SKP1: variants seen among roughly 807,000 people sequenced by gnomAD.
SKP1 encodes the protein S-phase kinase-associated protein 1.
In SKP1, 1 loss-of-function variant was observed where a neutral mutation model predicts 21.5. The ratio of observed to expected loss-of-function variants is 0.05; its 90% CI spans 0.02 to 0.22. The LOEUF (loss-of-function observed/expected upper bound fraction) is 0.22. Ranked by LOEUF, SKP1 falls within the 10% of genes least tolerant of loss-of-function variation. The pLI is 1.00. For synonymous variants in SKP1, 59 were observed against 59.3 expected (o/e 0.99, Z 0.03); for missense variants, 70 against 192.0 (o/e 0.36, Z 3.76).
chr5:134,151,949 C>T lies in SKP1; in HGVS notation c.*5784G>A, dbSNP rs560052320. 8.3e-4 allele frequency: 234 copies of T among 282,688 alleles called. No homozygotes were observed. The highest frequency in any genetic ancestry group is 1.3e-3 in the Non-Finnish European group (178 of 137,508). 17.5% of individuals were successfully genotyped at this position (282,688 alleles called of 1,614,324 possible). On this transcript the variant is annotated 3_prime_UTR_variant, in exon 6 of 6. Coordinates refer to ENST00000353411, the MANE Select transcript of SKP1 (RefSeq NM_170679.3). Reference sequence around the variant, plus strand: ...ACTGATGCCTCAGCAGAAAGGATAACATTCAGCCAATCCTGCTTAGGTGTC... The same window carrying T: ...ACTGATGCCTCAGCAGAAAGGATAATATTCAGCCAATCCTGCTTAGGTGTC...
At chr5:134,174,457 C>T (rs1180574477) in intron 1 of SKP1, 2 of 993,146 alleles carry the variant, frequency 2.0e-6, no homozygotes, top group South Asian at 4.3e-5. Context: ...CACAGTGAGT[C>T]CTACCTGTGA....
chr5:134,150,913 TAC>T lies in SKP1; in HGVS notation c.*6818_*6819del, dbSNP rs1160886828. On this transcript the variant is annotated 3_prime_UTR_variant, in exon 6 of 6. Transcript: ENST00000353411. The stretch of plus-strand genomic sequence containing the variant: ...AACATAGATGGTGGGGATGTTCACA[TAC>T]ACAGTCCCTTAGAATAAAAGCCTAG... The T allele has an allele frequency of 3.3e-5, 5 of 152,248 alleles. No individual in the cohort carries two copies. Among genetic ancestry groups the T allele is most frequent in the African/African-American group, 1.2e-4 (5 of 41,472 alleles). The allele number at this position is 152,248 out of a possible 1,614,324, so 9.4% of individuals were successfully genotyped here.
rs779006213 is a variant in SKP1, at chr5:134,167,209, T to G, written c.132A>C (p.Pro44=). 1.2e-5 allele frequency: 20 copies of G among 1,608,314 alleles called. No individual in the cohort carries two copies. Among genetic ancestry groups the G allele is most frequent in the Non-Finnish European group, 1.6e-5 (19 of 1,174,918 alleles). The change falls in exon 3 of 6, where the codon CCA becomes CCC. Residue 44 remains proline (P), a synonymous_variant. Coordinates refer to ENST00000353411, the MANE Select transcript of SKP1 (RefSeq NM_170679.3). ...CTGCATTCACATTTGGTAGAGGAACTGGGTCATCATCTCCTTCATCATCCA... is the reference window on the plus strand; with the variant it reads ...CTGCATTCACATTTGGTAGAGGAACGGGGTCATCATCTCCTTCATCATCCA... ...LGMDDEGDDD[P]VPLPNVNAAI...
At chr5:134,162,058 C>CAA (rs1163666504) in intron 3 of SKP1, among the ~76,000 whole-genome samples, 92 of 128,574 alleles carry the variant, frequency 7.2e-4, no homozygotes, top group African/African-American at 2.6e-3. Flanking sequence ...TGCCAGGATC[C>CAA]AAAAAAAAAA....
At chr5:134,167,649 G>A (rs770670208) in intron 2 of SKP1, among the ~76,000 whole-genome samples, 32 of 151,272 alleles carry the variant, frequency 2.1e-4, no homozygotes, top group Non-Finnish European at 3.5e-4. Flanking sequence ...CAGCCTCCCC[G>A]AGTAGCTGGG....
At position 134,150,649 on chromosome 5, in the gene SKP1, CT is replaced by C. The variant is rs1399542013; in HGVS notation, c.*7083del. The C allele has an allele frequency of 6.6e-6, 1 of 152,184 alleles. No individual in the cohort carries two copies. Among genetic ancestry groups the C allele is most frequent in the Non-Finnish European group, 1.5e-5 (1 of 68,034 alleles). 9.4% of individuals were successfully genotyped at this position (152,184 alleles called of 1,614,324 possible). On this transcript the variant is annotated 3_prime_UTR_variant, in exon 6 of 6. Coordinates refer to ENST00000353411, the MANE Select transcript of SKP1 (RefSeq NM_170679.3). Reference sequence around the variant, plus strand: ...AGAGCATTTTTTAAGCTCTTCAGGGCTTTAAGAGTTCACCAAGGGTTTCTGA... The same window carrying C: ...AGAGCATTTTTTAAGCTCTTCAGGGCTTAAGAGTTCACCAAGGGTTTCTGA...
chr5:134,164,907 A>C (rs1761298021), intron 3 of SKP1, among the ~76,000 whole-genome samples: 1 of 152,198 alleles, frequency 6.6e-6, no homozygotes, highest in African/African-American at 2.4e-5. Context: ...AACCTTGAAA[A>C]CATTATGCTA....
In SKP1 at chr5:134,154,967, A is replaced by C. The variant is rs1018881932; in HGVS notation, c.*2766T>G. 2 of 152,192 alleles carry C rather than the reference A, an allele frequency of 1.3e-5. No individual in the cohort carries two copies. Among genetic ancestry groups the C allele is most frequent in the Admixed American group, 6.5e-5 (1 of 15,280 alleles). The allele number at this position is 152,192 out of a possible 1,614,324, so 9.4% of individuals were successfully genotyped here. A position where few individuals can be genotyped will look rare whatever the true frequency, so the allele number is the denominator to read the frequency against. ...TCATTATGCCCTGTACCTGCATTTC[A>C]CAAGGACTTTTCACTTCTGTTACTT... On this transcript the variant is annotated 3_prime_UTR_variant, in exon 6 of 6. Transcript: ENST00000353411.
At chr5:134,158,277 T>G (rs1185738009) in intron 5 of SKP1, 178 bp downstream of exon 5, 1 of 1,490,414 alleles carries the variant, frequency 6.7e-7, no homozygotes. Flanking sequence ...TGCAGTATCA[T>G]CTAAGTGTTC....
Position 134,155,643 on chromosome 5 carries a change from A to G in SKP1, c.*2090T>C, listed in dbSNP as rs1393971383. 2.0e-5 allele frequency: 3 copies of G among 152,240 alleles called. No homozygotes were observed. The highest frequency in any genetic ancestry group is 4.4e-5 in the Non-Finnish European group (3 of 68,052). The allele number at this position is 152,240 out of a possible 1,614,324, so 9.4% of individuals were successfully genotyped here. ...GATAGTGACGTTATTTACTCATATA[A>G]TTCTAACTACTGCTGAGTATTATAC... is the stretch of plus-strand genomic sequence containing the variant. On this transcript the variant is annotated 3_prime_UTR_variant, in exon 6 of 6. Coordinates refer to ENST00000353411, the MANE Select transcript of SKP1 (RefSeq NM_170679.3).
Position 134,152,376 on chromosome 5 carries a change from T to TGTTA in SKP1, c.*5353_*5356dup, listed in dbSNP as rs1332740340. On this transcript the variant is annotated 3_prime_UTR_variant, in exon 6 of 6. Transcript: ENST00000353411. ...AATGTACCAACACCCAACCTTCTGC[T>TGTTA]GTTAGTTCCTGACTGTGCACTGCTT... 4.6e-5 allele frequency: 7 copies of TGTTA among 152,224 alleles called. No individual in the cohort carries two copies. Among genetic ancestry groups the TGTTA allele is most frequent in the African/African-American group, 9.7e-5 (4 of 41,434 alleles). The allele number at this position is 152,224 out of a possible 1,614,324, so 9.4% of individuals were successfully genotyped here.
At position 134,160,993 on chromosome 5, in the gene SKP1, G is replaced by C. The variant is rs1761210341; in HGVS notation, c.309C>G (p.Leu103=). Residue 103 remains leucine (L), a synonymous_variant, in exon 4 of 6, where the codon CTC becomes CTG. Coordinates refer to ENST00000353411, the MANE Select transcript of SKP1 (RefSeq NM_170679.3). The part of the protein sequence containing the change: ...LKVDQGTLFE[L]ILAANYLDIK... ...TTACACATTAAAAACTTACCAGAAT[G>C]AGTTCAAAAAGTGTTCCTTGGTCAA... is the stretch of plus-strand genomic sequence containing the variant. 1.9e-6 allele frequency: 3 copies of C among 1,610,078 alleles called. No homozygotes were observed. Among genetic ancestry groups the C allele is most frequent in the Admixed American group, 1.7e-5 (1 of 59,884 alleles).
intron 2 of SKP1, among the ~76,000 whole-genome samples, chr5:134,170,449 G>A (rs994875411): frequency 2.0e-5 from 3 of 152,142 alleles, no homozygotes; most frequent in Non-Finnish European, 2.9e-5. Context: ...CTGTACCCTG[G>A]ACCTGAACTA....
At chr5:134,160,960 G>A (rs1217944088) in intron 4 of SKP1, 27 bp downstream of exon 4, 6 of 1,562,642 alleles carry the variant, frequency 3.8e-6, no homozygotes, top group Non-Finnish European at 5.3e-6. Flanking sequence ...CTCTAGAGTA[G>A]AGCTATCTTA....
At position 134,155,029 on chromosome 5, in the gene SKP1, G is replaced by C. The variant is rs191779295; in HGVS notation, c.*2704C>G. 2.0e-5 allele frequency: 3 copies of C among 152,306 alleles called. No individual in the cohort carries two copies. The highest frequency in any genetic ancestry group is 4.4e-5 in the Non-Finnish European group (3 of 68,038). 9.4% of individuals were successfully genotyped at this position (152,306 alleles called of 1,614,324 possible). A position where few individuals can be genotyped will look rare whatever the true frequency, so the allele number is the denominator to read the frequency against. On this transcript the variant is annotated 3_prime_UTR_variant, in exon 6 of 6. Coordinates refer to ENST00000353411, the MANE Select transcript of SKP1 (RefSeq NM_170679.3). ...CATGGAGTAGTGCTGCTAAATACAA[G>C]TTAAATCCTGCTGTCAAGTGACTTC...
chr5:134,159,502 T>C (rs1178248159), intron 4 of SKP1, among the ~76,000 whole-genome samples: 1 of 151,738 alleles, frequency 6.6e-6, no homozygotes, highest in Non-Finnish European at 1.5e-5. Context: ...TGCTTCAGTC[T>C]CCCAAGTAGC....
In SKP1 at chr5:134,148,989, G is replaced by T. The variant is rs1419887342; in HGVS notation, c.*8744C>A. 2 of 152,102 alleles carry T rather than the reference G, an allele frequency of 1.3e-5. No individual in the cohort carries two copies. The highest frequency in any genetic ancestry group is 4.8e-5 in the African/African-American group (2 of 41,404). The allele number at this position is 152,102 out of a possible 1,614,324, so 9.4% of individuals were successfully genotyped here. A position where few individuals can be genotyped will look rare whatever the true frequency, so the allele number is the denominator to read the frequency against. On this transcript the variant is annotated 3_prime_UTR_variant, in exon 6 of 6. Transcript: ENST00000353411. The stretch of plus-strand genomic sequence containing the variant: ...TATCCACTTTATTTTTAGATTATTT[G>T]TATACATTTAGGGGGTACAAATGCA...
intron 3 of SKP1, among the ~76,000 whole-genome samples, chr5:134,164,710 T>G (rs1430077386): frequency 6.6e-6 from 1 of 152,020 alleles, no homozygotes; most frequent in African/African-American, 2.4e-5. Flanking sequence ...CTAGATAAAA[T>G]AAAGCCTCTA....
At position 134,151,803 on chromosome 5, in the gene SKP1, G is replaced by C. The variant is rs1015413156; in HGVS notation, c.*5930C>G. The C allele has an allele frequency of 2.6e-6, 1 of 387,556 alleles. No homozygotes were observed. Among genetic ancestry groups the C allele is most frequent in the Non-Finnish European group, 5.3e-6 (1 of 187,442 alleles). 24.0% of individuals were successfully genotyped at this position (387,556 alleles called of 1,614,324 possible). On this transcript the variant is annotated 3_prime_UTR_variant, in exon 6 of 6. Coordinates refer to ENST00000353411, the MANE Select transcript of SKP1 (RefSeq NM_170679.3). ...TAGCCAGCAGTACACAAGACTGCAAGGCAACAAGTACATTATCAATGAATT... is the reference window on the plus strand; with the variant it reads ...TAGCCAGCAGTACACAAGACTGCAACGCAACAAGTACATTATCAATGAATT...
Sources: gnomAD v4.1 joint callset for allele counts (sites outside exome capture counted in the v4.1 genomes callset) on GRCh38, gnomAD v4.1.1 for gene constraint, MANE v1.5 for transcripts, NCBI Gene and HGNC (gene_info 2026-07-23, HGNC 2026-07-21) for gene names.